The following GLIS3 variants were observed in gnomAD, a reference collection of about 807,000 sequenced individuals.
The protein encoded by GLIS3 is GLIS family zinc finger 3.
GLIS3 carries 53 observed loss-of-function variants against 78.6 expected under a neutral mutation model. The observed-to-expected ratio is 0.67, with a 90% CI of 0.54 to 0.85. The LOEUF is 0.85. Among genes scored for constraint, GLIS3 ranks in the 40% least tolerant of loss-of-function variants. The pLI is 0.00. For missense variants in GLIS3, 1,703 were observed against 1,231.1 expected, an observed-to-expected ratio of 1.38 and a Z score of -5.74; for synonymous variants, 684 against 509.9, an observed-to-expected ratio of 1.34 and a Z score of -4.60.
rs1037071094 is a variant in GLIS3, at chr9:3,908,768, C to T, written c.1984-9933G>A. Among the ~76,000 whole-genome samples, 6 of 103,736 alleles carry T rather than the reference C, an allele frequency of 5.8e-5. No homozygotes were observed. In the East Asian group the frequency reaches 2.0e-3, roughly 34 times the overall value. The allele number at this position is 103,736 out of a possible 152,430, so 68.1% of individuals were successfully genotyped here. ...TGTTAATGTTTATAAGCCCTTGTAA[C>T]AAGAGATGGAAATTTTACTCCCGTC... On this transcript the variant is annotated intron_variant, in intron 6 of 10. Coordinates refer to ENST00000381971, the MANE Select transcript of GLIS3 (RefSeq NM_001042413.2).
intron 7 of GLIS3, among the ~76,000 whole-genome samples, chr9:3,896,653 G>GA (rs935082049): frequency 1.7e-4 from 2 of 11,450 alleles, no homozygotes; most frequent in African/African-American, 6.3e-4. Context: ...TTGACAGAGT[G>GA]AGACTCCCAT....
the GLIS3 span, among the ~76,000 whole-genome samples, chr9:4,418,493 A>G: frequency 6.6e-6 from 1 of 152,160 alleles, no homozygotes; most frequent in African/African-American, 2.4e-5. Flanking sequence ...GTGTAAAAAC[A>G]TATTGGACCA....
intron 2 of GLIS3, among the ~76,000 whole-genome samples, chr9:4,337,414 T>C (rs6476848): frequency 0.45 from 68,855 of 152,104 alleles, 15,972 homozygotes; most frequent in Admixed American, 0.52. Context: ...ATAGGAAATG[T>C]TCATTTGAAA....
chr9:3,956,045 AAAAGAAAG>A (rs1404661779), intron 4 of GLIS3, among the ~76,000 whole-genome samples: 2 of 151,398 alleles, frequency 1.3e-5, no homozygotes, highest in African/African-American at 4.8e-5. Flanking sequence ...AAAAAAAAAA[AAAAGAAAG>A]AAAAAAAGAA....
the GLIS3 span, among the ~76,000 whole-genome samples, chr9:4,408,745 AAAAT>A: frequency 6.6e-6 from 1 of 151,388 alleles, no homozygotes; most frequent in Non-Finnish European, 1.5e-5. Flanking sequence ...AAAAAAAAAA[AAAAT>A]AGAGAGAATG....
chr9:4,069,464 C>T (rs1196323567), intron 4 of GLIS3, among the ~76,000 whole-genome samples: 2 of 152,166 alleles, frequency 1.3e-5, no homozygotes, highest in Admixed American at 1.3e-4. Flanking sequence ...GTACATGAGC[C>T]TCAACGCACA....
intron 4 of GLIS3, among the ~76,000 whole-genome samples, chr9:4,088,519 T>C (rs534910246): frequency 2.0e-5 from 3 of 152,380 alleles, no homozygotes; most frequent in Admixed American, 6.5e-5. Flanking sequence ...TGTCTGTCCT[T>C]AAACCAACTT....
At chr9:3,855,479 G>A (rs546182298) in intron 9 of GLIS3, 3 of 173,184 alleles carry the variant, frequency 1.7e-5, no homozygotes, top group African/African-American at 4.8e-5. Context: ...TAAAACACAA[G>A]GTAGAGGAAG....
In GLIS3 at chr9:4,084,981, C is replaced by T. The variant is rs117746374; in HGVS notation, c.1710+32787G>A. ...AGTGGCTATCAAGTTTTACAAACAA[C>T]GCAATGCAAAAACTTTTGGGAGGAA... On this transcript the variant is annotated intron_variant, in intron 4 of 10. Coordinates refer to ENST00000381971, the MANE Select transcript of GLIS3 (RefSeq NM_001042413.2). 6.7e-4 allele frequency among the ~76,000 whole-genome samples: 96 copies of T among 143,744 alleles called. 2 individuals are homozygous for T. In the East Asian group the frequency reaches 0.018, roughly 27 times the overall value. 94.3% of individuals were successfully genotyped at this position (143,744 alleles called of 152,430 possible).
At chr9:4,408,129 A>G in the GLIS3 span, among the ~76,000 whole-genome samples, 3 of 152,180 alleles carry the variant, frequency 2.0e-5, no homozygotes, top group African/African-American at 7.2e-5. Flanking sequence ...TGCTAGCAAG[A>G]ATGTGGAGAA....
chr9:4,354,836 G>A, the GLIS3 span, among the ~76,000 whole-genome samples: 2 of 152,082 alleles, frequency 1.3e-5, no homozygotes, highest in African/African-American at 2.4e-5. Context: ...TCCCTGAGTA[G>A]CCGGACATGG....
At chr9:4,193,520 TAGAC>T (rs1448436367) in intron 2 of GLIS3, among the ~76,000 whole-genome samples, 1 of 152,064 alleles carries the variant, frequency 6.6e-6, no homozygotes, top group African/African-American at 2.4e-5. Flanking sequence ...TGTAACTCAA[TAGAC>T]AGCTGAGAAA....
intron 7 of GLIS3, among the ~76,000 whole-genome samples, chr9:3,895,121 A>G (rs565594435): frequency 4.7e-4 from 72 of 152,338 alleles, no homozygotes; most frequent in African/African-American, 1.7e-3. Context: ...ACTGTCCATG[A>G]TATCTCAGAC....
intron 2 of GLIS3, among the ~76,000 whole-genome samples, chr9:4,325,779 A>G (rs946509875): frequency 6.6e-6 from 1 of 152,210 alleles, no homozygotes; most frequent in African/African-American, 2.4e-5. Flanking sequence ...AATAAAGGAT[A>G]AAAAGATACA....
At chr9:4,038,794 G>C (rs748143812) in intron 4 of GLIS3, among the ~76,000 whole-genome samples, 11 of 152,068 alleles carry the variant, frequency 7.2e-5, no homozygotes, top group Non-Finnish European at 1.2e-4. Flanking sequence ...TCTTAAATGT[G>C]TGGATCCAGC....
intron 5 of GLIS3, among the ~76,000 whole-genome samples, chr9:3,934,925 T>G (rs1280221055): frequency 6.6e-6 from 1 of 152,176 alleles, no homozygotes; most frequent in Non-Finnish European, 1.5e-5. Context: ...TTCATCCAAC[T>G]ATATATTTTG....
intron 6 of GLIS3, among the ~76,000 whole-genome samples, chr9:3,931,110 A>T (rs1825582865): frequency 6.6e-6 from 1 of 152,166 alleles, no homozygotes. Flanking sequence ...AAATTTAACT[A>T]CATTTCTAGG....
At position 3,833,351 on chromosome 9, in the gene GLIS3, C is replaced by CT. The variant is rs1368135428; in HGVS notation, c.2474-3860dup. 1.1e-4 allele frequency among the ~76,000 whole-genome samples: 16 copies of CT among 152,304 alleles called. No homozygotes were observed. In the East Asian group the frequency reaches 2.9e-3, roughly 28 times the overall value. On this transcript the variant is annotated intron_variant, in intron 9 of 10. Coordinates refer to ENST00000381971, the MANE Select transcript of GLIS3 (RefSeq NM_001042413.2). ...CCAGCACTATTTTCACAAACCAACA[C>CT]TTTTTAAAAAATTCCGTTAGGGTCT...
intron 4 of GLIS3, among the ~76,000 whole-genome samples, chr9:4,044,359 G>A (rs774546869): frequency 1.3e-5 from 2 of 152,120 alleles, no homozygotes; most frequent in Non-Finnish European, 2.9e-5. Context: ...ATCTCCCAAC[G>A]CCCCTTAGCA....
Sources: gnomAD v4.1 joint callset for allele counts (sites outside exome capture counted in the v4.1 genomes callset) on GRCh38, gnomAD v4.1.1 for gene constraint, MANE v1.5 for transcripts, NCBI Gene and HGNC (gene_info 2026-07-23, HGNC 2026-07-21) for gene names.